Variants in CHSY3 observed in about 807,000 individuals in gnomAD.
CHSY3 encodes chondroitin sulfate synthase 3, also known as N-acetylgalactosaminyl-proteoglycan 3-beta-glucuronosyltransferase 3.
A neutral mutation model predicts 67.2 loss-of-function variants in CHSY3; 35 were observed. The ratio of observed to expected loss-of-function variants is 0.52; its 90% CI spans 0.40 to 0.69. CHSY3 has a LOEUF of 0.69. CHSY3 is among the 30% of genes least tolerant of loss of function. CHSY3 has a pLI of 0.00. For synonymous variants in CHSY3, 474 were observed against 434.7 expected, an observed-to-expected ratio of 1.09 and a Z score of -1.12; for missense variants, 1,069 against 1,138.5, an observed-to-expected ratio of 0.94 and a Z score of 0.88.
intron 2 of CHSY3, among the ~76,000 whole-genome samples, chr5:130,108,753 A>G (rs1472254454): frequency 6.6e-6 from 1 of 151,724 alleles, no homozygotes; most frequent in East Asian, 1.9e-4. Context: ...GAACATTCAC[A>G]TGCTATATTA....
intron 2 of CHSY3, among the ~76,000 whole-genome samples, chr5:129,937,740 A>C (rs1245451016): frequency 2.6e-5 from 4 of 152,214 alleles, no homozygotes; most frequent in Non-Finnish European, 4.4e-5. Flanking sequence ...AAGGGGCTAC[A>C]GGCCCCATGC....
At chr5:130,116,939 GT>G (rs1323016293) in intron 2 of CHSY3, among the ~76,000 whole-genome samples, 1 of 151,794 alleles carries the variant, frequency 6.6e-6, no homozygotes, top group Non-Finnish European at 1.5e-5. Context: ...ATTGCCACTT[GT>G]GTAGAAAATG....
intron 2 of CHSY3, among the ~76,000 whole-genome samples, chr5:130,029,280 G>A (rs1764642722): frequency 6.6e-6 from 1 of 152,034 alleles, no homozygotes; most frequent in African/African-American, 2.4e-5. Context: ...TATTTAGCAG[G>A]TCTCATGCTA....
At chr5:130,107,801 C>T (rs1767459271) in intron 2 of CHSY3, among the ~76,000 whole-genome samples, 1 of 151,576 alleles carries the variant, frequency 6.6e-6, no homozygotes, top group Non-Finnish European at 1.5e-5. Flanking sequence ...GCAAAGCAAG[C>T]TCTATCCTCT....
chr5:130,105,364 G>A (rs975250322), intron 2 of CHSY3, among the ~76,000 whole-genome samples: 5 of 151,714 alleles, frequency 3.3e-5, no homozygotes, highest in East Asian at 1.9e-4. Context: ...AGTAAAGATC[G>A]CTATTCATTT....
chr5:130,148,521 T>C (rs148142170), intron 2 of CHSY3, among the ~76,000 whole-genome samples: 76 of 152,262 alleles, frequency 5.0e-4, no homozygotes, highest in African/African-American at 1.6e-3. Flanking sequence ...CAATACTGTG[T>C]AATGTTTCTT....
In CHSY3 at chr5:129,940,590, C is replaced by T. The variant is rs1370606846; in HGVS notation, c.1086+32230C>T. Among the ~76,000 whole-genome samples the T allele has an allele frequency of 2.0e-5, 3 of 151,698 alleles. No homozygotes were observed. In the East Asian group the frequency reaches 5.8e-4, roughly 29 times the overall value. On this transcript the variant is annotated intron_variant, in intron 2 of 2. Transcript: ENST00000305031. Reference sequence around the variant, plus strand: ...TTTTGGAAAATTACATAAAATTGACCTTTTCCCTCTTTTTATAAACTCTGA... The same window carrying T: ...TTTTGGAAAATTACATAAAATTGACTTTTTCCCTCTTTTTATAAACTCTGA...
intron 2 of CHSY3, among the ~76,000 whole-genome samples, chr5:130,007,251 TA>T (rs1284848334): frequency 6.6e-6 from 1 of 152,158 alleles, no homozygotes; most frequent in Non-Finnish European, 1.5e-5. Context: ...CTGTGAATTA[TA>T]AAAAGTTTTA....
At chr5:130,069,822 C>T (rs1766003272) in intron 2 of CHSY3, among the ~76,000 whole-genome samples, 1 of 152,046 alleles carries the variant, frequency 6.6e-6, no homozygotes, top group Non-Finnish European at 1.5e-5. Context: ...TCTCCTTCTT[C>T]TTACCAATTC....
At chr5:130,106,254 T>A (rs973523821) in intron 2 of CHSY3, among the ~76,000 whole-genome samples, 4 of 151,782 alleles carry the variant, frequency 2.6e-5, no homozygotes, top group African/African-American at 7.2e-5. Context: ...AGTGGACGTA[T>A]GACAGTCATG....
chr5:129,955,827 G>C (rs1762154941), intron 2 of CHSY3, among the ~76,000 whole-genome samples: 1 of 152,136 alleles, frequency 6.6e-6, no homozygotes, highest in South Asian at 2.1e-4. Context: ...TGCTAAGGAT[G>C]ATGGCTTCCA....
At chr5:129,918,484 A>G (rs1760805424) in intron 2 of CHSY3, among the ~76,000 whole-genome samples, 1 of 152,198 alleles carries the variant, frequency 6.6e-6, no homozygotes, top group African/African-American at 2.4e-5. Context: ...CTCAACAAAT[A>G]GTTTTGAGCC....
intron 2 of CHSY3, among the ~76,000 whole-genome samples, chr5:130,080,639 A>G (rs1766416212): frequency 6.6e-6 from 1 of 152,082 alleles, no homozygotes; most frequent in Non-Finnish European, 1.5e-5. Flanking sequence ...TAAAAAGACT[A>G]TCTTCATTGC....
intron 2 of CHSY3, among the ~76,000 whole-genome samples, chr5:130,128,957 A>G (rs1357284863): frequency 6.6e-6 from 1 of 151,226 alleles, no homozygotes; most frequent in African/African-American, 2.4e-5. Context: ...TTTTTTCAAC[A>G]GGTCTGCATA....
intron 2 of CHSY3, among the ~76,000 whole-genome samples, chr5:130,098,935 TA>T (rs1401250564): frequency 6.6e-6 from 1 of 152,162 alleles, no homozygotes; most frequent in African/African-American, 2.4e-5. Context: ...AATTTTTCCC[TA>T]AAAAATGCCT....
At position 130,063,185 on chromosome 5, in the gene CHSY3, G is replaced by A. The variant is rs1468378797; in HGVS notation, c.1087-121044G>A. On this transcript the variant is annotated intron_variant, in intron 2 of 2. Transcript: ENST00000305031. Reference sequence around the variant, plus strand: ...TGCATGTAATCTAAGCAATAATTTTGTGAATATATGTCTACTCGCCTGAAT... The same window carrying A: ...TGCATGTAATCTAAGCAATAATTTTATGAATATATGTCTACTCGCCTGAAT... 4.6e-5 allele frequency among the ~76,000 whole-genome samples: 7 copies of A among 152,060 alleles called. No individual in the cohort carries two copies. In the East Asian group the frequency reaches 1.4e-3, roughly 29 times the overall value.
rs1286363127 is a variant in CHSY3, at chr5:130,020,439, ATATATATATATATATATATATATTTTT to A, written c.1086+112081_1086+112107del. Among the ~76,000 whole-genome samples, 42 of 7,572 alleles carry A rather than the reference ATATATATATATATATATATATATTTTT, an allele frequency of 5.5e-3. 1 individual carries two copies. The highest frequency in any genetic ancestry group is 9.4e-3 in the African/African-American group (40 of 4,246). 5.0% of individuals were successfully genotyped at this position (7,572 alleles called of 152,430 possible). A position where few individuals can be genotyped will look rare whatever the true frequency, so the allele number is the denominator to read the frequency against. The stretch of plus-strand genomic sequence containing the variant: ...CATCTCAAAATATATATATATATAT[ATATATATATATATATATATATATTTTT>A]TTTTTTTTTTTTTCCTCTGGCTCCT... On this transcript the variant is annotated intron_variant, in intron 2 of 2. Transcript: ENST00000305031.
intron 2 of CHSY3, among the ~76,000 whole-genome samples, chr5:130,164,029 G>A (rs546304108): frequency 2.0e-5 from 3 of 152,246 alleles, no homozygotes; most frequent in East Asian, 1.9e-4. Flanking sequence ...TCAAGTGAAC[G>A]ACTACTTGGA....
chr5:130,018,090 A>G (rs544242405), intron 2 of CHSY3, among the ~76,000 whole-genome samples: 2 of 152,334 alleles, frequency 1.3e-5, no homozygotes, highest in African/African-American at 4.8e-5. Context: ...GTTTTTTAAC[A>G]GACAAATTGC....
Sources: gnomAD v4.1 joint callset for allele counts (sites outside exome capture counted in the v4.1 genomes callset) on GRCh38, gnomAD v4.1.1 for gene constraint, MANE v1.5 for transcripts, NCBI Gene and HGNC (gene_info 2026-07-23, HGNC 2026-07-21) for gene names.